Variants in EFCAB5 observed in about 807,000 individuals in gnomAD.
The protein encoded by EFCAB5 is EF-hand calcium binding domain 5, also known as EF-hand calcium-binding domain-containing protein 5.
In EFCAB5, 131 loss-of-function variants were observed where a neutral mutation model predicts 167.9. That is an observed-to-expected ratio of 0.78 (90% CI 0.68 to 0.90). The LOEUF (loss-of-function observed/expected upper bound fraction) is 0.90. Ranked by LOEUF, EFCAB5 falls within the 40% of genes least tolerant of loss-of-function variation. The pLI, the probability that EFCAB5 is intolerant of heterozygous loss-of-function variation, is 0.00. For missense variants in EFCAB5, 1,663 were observed against 1,745.2 expected, an observed-to-expected ratio of 0.95 and a Z score of 0.84; for synonymous variants, 574 against 602.8, an observed-to-expected ratio of 0.95 and a Z score of 0.70.
At chr17:30,036,367 ATATATAATACACATATATAATATATAAT>A (rs2069629380) in intron 8 of EFCAB5, among the ~76,000 whole-genome samples, 2 of 134,142 alleles carry the variant, frequency 1.5e-5, no homozygotes, top group African/African-American at 5.7e-5. Flanking sequence ...ATATATAATT[ATATATAATACACATATATAATATATAAT>A]TATATATATA....
At chr17:30,080,301 T>G (rs1253117986) in intron 16 of EFCAB5, 60 bp downstream of exon 16, 3 of 1,472,294 alleles carry the variant, frequency 2.0e-6, no homozygotes, top group Non-Finnish European at 2.7e-6. Flanking sequence ...CCTTTCTGAG[T>G]AAACTGGCAT....
chr17:29,987,984 C>T lies in EFCAB5; in HGVS notation c.768-5181C>T, dbSNP rs553217341. ...CCAAAGAGAATTAGGTTCCAATCCT[C>T]GAGGATTAACTCCTCCTGTGAAAGA... is the stretch of plus-strand genomic sequence containing the variant. On this transcript the variant is annotated intron_variant, in intron 4 of 22. Coordinates refer to ENST00000394835, the MANE Select transcript of EFCAB5 (RefSeq NM_198529.4). Among the ~76,000 whole-genome samples, 42 of 152,270 alleles carry T rather than the reference C, an allele frequency of 2.8e-4. 1 individual carries two copies. Among genetic ancestry groups the T allele is most frequent in the Middle Eastern group, 6.8e-3 (2 of 294 alleles).
intron 14 of EFCAB5, among the ~76,000 whole-genome samples, chr17:30,070,321 T>C (rs1278724977): frequency 6.6e-6 from 1 of 152,092 alleles, no homozygotes; most frequent in East Asian, 1.9e-4. Context: ...ACCAATAGCA[T>C]TTTTCATAGA....
chr17:30,054,299 C>T (rs530986195), intron 10 of EFCAB5, among the ~76,000 whole-genome samples, 151 bp downstream of exon 10: 1 of 152,248 alleles, frequency 6.6e-6, no homozygotes, highest in South Asian at 2.1e-4. Context: ...CCACATTAGT[C>T]TAGACCTTGA....
chr17:30,052,279 C>A (rs1281457290), intron 9 of EFCAB5, among the ~76,000 whole-genome samples: 1 of 152,180 alleles, frequency 6.6e-6, no homozygotes, highest in African/African-American at 2.4e-5. Flanking sequence ...ATTCCCCCTG[C>A]CTCATCCTCC....
At chr17:30,051,956 G>A (rs959555493) in intron 9 of EFCAB5, among the ~76,000 whole-genome samples, 6 of 151,680 alleles carry the variant, frequency 4.0e-5, no homozygotes, top group Non-Finnish European at 2.9e-5. Flanking sequence ...ACAATTATGG[G>A]GTTTATTTTT....
At chr17:29,945,791 A>G (rs945552464) in intron 3 of EFCAB5, among the ~76,000 whole-genome samples, 24 of 152,164 alleles carry the variant, frequency 1.6e-4, no homozygotes, top group African/African-American at 5.8e-4. Context: ...CTACATGTAG[A>G]AGAATGAAAC....
At chr17:29,952,800 T>C (rs546882570) in intron 3 of EFCAB5, among the ~76,000 whole-genome samples, 1 of 152,250 alleles carries the variant, frequency 6.6e-6, no homozygotes, top group Non-Finnish European at 1.5e-5. Context: ...CTTTAATATA[T>C]AGGTAATTTT....
chr17:29,954,590 G>A (rs1369762646), intron 3 of EFCAB5, among the ~76,000 whole-genome samples: 1 of 152,226 alleles, frequency 6.6e-6, no homozygotes, highest in Admixed American at 6.5e-5. Context: ...GAAGTTTGCT[G>A]CAGGGATGGA....
In EFCAB5 at chr17:29,941,832, T is replaced by C. The variant is rs1345371330; in HGVS notation, c.36T>C (p.Pro12=). Residue 12 remains proline (P), a synonymous_variant, in exon 1 of 23, where the codon CCT becomes CCC. Transcript: ENST00000394835. ...NESASQEELR[P]AQENRKEDKE... is the part of the protein sequence containing the mutation. The stretch of plus-strand genomic sequence containing the variant: ...CAGCATCTCAAGAGGAACTCAGACC[T>C]GCTCAGGTTCTTGTCCTACATAGGT... The C allele has an allele frequency of 6.2e-7, 1 of 1,604,346 alleles. No homozygotes were observed. The highest frequency in any genetic ancestry group is 8.5e-7 in the Non-Finnish European group (1 of 1,174,750).
Position 30,091,897 on chromosome 17 carries a change from C to T in EFCAB5, c.3964C>T (p.Arg1322Trp), listed in dbSNP as rs769679505. The change falls in exon 21 of 23, where the codon CGG becomes TGG. Residue 1322 changes from arginine (R) to tryptophan (W), a missense_variant. Transcript: ENST00000394835. The stretch of plus-strand genomic sequence containing the variant: ...GATTGAAAATGTCAGGGAAGTCCAG[C>T]GGGCAGGAATTCTCTTCTTCCGAAT... ...LEIENVREVQRAGILFFRIML... is the reference protein window; with the variant it reads ...LEIENVREVQWAGILFFRIML... 2.5e-5 allele frequency: 41 copies of T among 1,613,744 alleles called. No homozygotes were observed. The highest frequency in any genetic ancestry group is 3.1e-5 in the Non-Finnish European group (36 of 1,179,806).
chr17:29,973,849 C>T lies in EFCAB5; in HGVS notation c.767+4482C>T, dbSNP rs536481916. Among the ~76,000 whole-genome samples, 4 of 151,150 alleles carry T rather than the reference C, an allele frequency of 2.6e-5. No homozygotes were observed. In the South Asian group the frequency reaches 8.4e-4, roughly 32 times the overall value. On this transcript the variant is annotated intron_variant, in intron 4 of 22. Transcript: ENST00000394835. ...GACATAATTACTGATTTGTTTTATCCTACAGTTTACATAAAAGCTTCAAAA... is the reference window on the plus strand; with the variant it reads ...GACATAATTACTGATTTGTTTTATCTTACAGTTTACATAAAAGCTTCAAAA...
chr17:30,045,555 T>C (rs1034271642), intron 8 of EFCAB5, among the ~76,000 whole-genome samples: 45 of 151,900 alleles, frequency 3.0e-4, no homozygotes, highest in Admixed American at 3.0e-3. Context: ...AGTGTATACA[T>C]TGTCAAAACT....
chr17:30,027,131 C>A (rs909424600), intron 7 of EFCAB5, among the ~76,000 whole-genome samples: 2 of 150,600 alleles, frequency 1.3e-5, no homozygotes, highest in Non-Finnish European at 3.0e-5. Flanking sequence ...GGACTACAGG[C>A]GCTTGCCACC....
chr17:30,097,159 C>T (rs1261739784), intron 22 of EFCAB5, among the ~76,000 whole-genome samples: 4 of 148,034 alleles, frequency 2.7e-5, no homozygotes, highest in South Asian at 2.2e-4. Context: ...CAGGTTCAAG[C>T]GATTCTCCTG....
At chr17:29,979,943 T>C (rs1389188169) in intron 4 of EFCAB5, among the ~76,000 whole-genome samples, 1 of 152,010 alleles carries the variant, frequency 6.6e-6, no homozygotes, top group Non-Finnish European at 1.5e-5. Context: ...CTGAGGCAGG[T>C]GGATCACCCG....
intron 14 of EFCAB5, among the ~76,000 whole-genome samples, chr17:30,074,977 A>G (rs975085722): frequency 2.6e-5 from 4 of 152,112 alleles, no homozygotes; most frequent in Admixed American, 1.3e-4. Flanking sequence ...ATGTAAATGT[A>G]TGTACACATT....
intron 22 of EFCAB5, among the ~76,000 whole-genome samples, chr17:30,101,926 C>A (rs1312347009): frequency 1.3e-5 from 2 of 152,170 alleles, no homozygotes; most frequent in Non-Finnish European, 2.9e-5. Flanking sequence ...TCTATGTTTA[C>A]CTTGGAACAG....
chr17:29,958,279 A>T (rs1201021573), intron 3 of EFCAB5, among the ~76,000 whole-genome samples: 1 of 152,114 alleles, frequency 6.6e-6, no homozygotes, highest in Non-Finnish European at 1.5e-5. Flanking sequence ...AATAACTCTT[A>T]ACTTGGTCCT....
Sources: allele counts gnomAD v4.1 joint callset (sites outside exome capture counted in the v4.1 genomes callset), GRCh38; gene constraint gnomAD v4.1.1; transcripts MANE v1.5; gene names NCBI Gene and HGNC (gene_info 2026-07-23, HGNC 2026-07-21).